Variants in SDHD observed in about 807,000 individuals in gnomAD.
The protein encoded by SDHD is succinate dehydrogenase [ubiquinone] cytochrome b small subunit, mitochondrial.
SDHD carries 6 observed loss-of-function variants against 18.7 expected under a neutral mutation model. The ratio of observed to expected loss-of-function variants is 0.32; its 90% CI spans 0.18 to 0.63. The LOEUF is 0.63. Among genes scored for constraint, SDHD ranks in the 30% least tolerant of loss-of-function variants. The pLI is 0.79. For synonymous variants in SDHD, 56 were observed against 73.9 expected (o/e 0.76, Z 1.24); for missense variants, 160 against 192.7 (o/e 0.83, Z 1.00).
rs764164965 is a variant in SDHD, at chr11:112,094,799, C to A, written c.315-6C>A. 9 of 1,605,848 alleles carry A rather than the reference C, an allele frequency of 5.6e-6. No homozygotes were observed. In the South Asian group the frequency reaches 9.9e-5, roughly 18 times the overall value. On this transcript the variant is annotated splice_polypyrimidine_tract_variant and splice_region_variant and intron_variant, in intron 3 of 3. Transcript: ENST00000375549. ...ATTGATGTTATGATTTTTTCTTTTT[C>A]TTTAGGGGCCTTGGACAAGTTGTTA...
chr11:112,089,993 G>A (rs754946596), intron 3 of SDHD, among the ~76,000 whole-genome samples: 2 of 151,512 alleles, frequency 1.3e-5, no homozygotes, highest in Non-Finnish European at 2.9e-5. Flanking sequence ...TATTTTTACT[G>A]TATTTGTTTG....
intron 3 of SDHD, 147 bp downstream of exon 3, chr11:112,089,158 G>A (rs1482855328): frequency 1.5e-5 from 11 of 738,806 alleles, no homozygotes; most frequent in Non-Finnish European, 2.2e-5. Context: ...TATATGCCTA[G>A]ATTTATATAT....
In SDHD at chr11:112,092,059, C is replaced by T. The variant is rs572949497; in HGVS notation, c.315-2746C>T. On this transcript the variant is annotated intron_variant, in intron 3 of 3. Transcript: ENST00000375549. ...CTCCAGCCTGGGTGACAGAGTGAGA[C>T]TCTGTCTCAAAAAAACAAAACTCTG... Among the ~76,000 whole-genome samples the T allele has an allele frequency of 4.6e-3, 704 of 152,162 alleles. 5 individuals carry two copies. Among genetic ancestry groups the T allele is most frequent in the Non-Finnish European group, 7.4e-3 (505 of 67,982 alleles).
rs1400314508 is a variant in SDHD at position 112,095,356 on chromosome 11, A to C, written c.*386A>C. Reference sequence around the variant, plus strand: ...CCTTGGGAATAATGGACAAAGGGAAATACTCTTAATTCATGAATAAAAACT... The same window carrying C: ...CCTTGGGAATAATGGACAAAGGGAACTACTCTTAATTCATGAATAAAAACT... On this transcript the variant is annotated 3_prime_UTR_variant, in exon 4 of 4. Coordinates refer to ENST00000375549, the MANE Select transcript of SDHD (RefSeq NM_003002.4). The C allele has an allele frequency of 6.2e-6, 2 of 323,648 alleles. No homozygotes were observed. Among genetic ancestry groups the C allele is most frequent in the Non-Finnish European group, 1.2e-5 (2 of 171,436 alleles). 20.0% of individuals were successfully genotyped at this position (323,648 alleles called of 1,614,324 possible).
chr11:112,087,498 A>G (rs1392174865), intron 1 of SDHD, among the ~76,000 whole-genome samples: 1 of 152,232 alleles, frequency 6.6e-6, no homozygotes, highest in African/African-American at 2.4e-5. Flanking sequence ...AGTCCGGGCA[A>G]GATGAGGTCC....
chr11:112,091,562 T>C (rs929267512), intron 3 of SDHD, among the ~76,000 whole-genome samples: 2 of 152,220 alleles, frequency 1.3e-5, no homozygotes, highest in African/African-American at 4.8e-5. Flanking sequence ...CTTGTTTATC[T>C]AATTGTCTAA....
At position 112,088,881 on chromosome 11, in the gene SDHD, G is replaced by C. The variant is rs758499440; in HGVS notation, c.184G>C (p.Ala62Pro). ...SPSHHSGSKA[A>P]SLHWTSERVV... ...CCTTTTTGTAGCTGGCTCCAAGGCT[G>C]CATCTCTCCACTGGACTAGCGAGAG... is the stretch of plus-strand genomic sequence containing the variant. The change falls in exon 3 of 4, where the codon GCA becomes CCA. Residue 62 changes from alanine to proline, a missense_variant. By Grantham distance (27) the Ala-to-Pro change is conservative. Transcript: ENST00000375549. 6.2e-7 allele frequency: 1 copy of C among 1,612,376 alleles called. No individual in the cohort carries two copies. The highest frequency in any genetic ancestry group is 1.1e-5 in the South Asian group (1 of 91,006).
At chr11:112,087,090 C>CAGTGGTCAT in intron 1 of SDHD, 131 bp downstream of exon 1, 1 of 1,024,868 alleles carries the variant, frequency 9.8e-7, no homozygotes, top group Non-Finnish European at 1.5e-6. Context: ...GCAATGACCA[C>CAGTGGTCAT]TGTAGTCTAG....
At chr11:112,093,319 C>G in intron 3 of SDHD, 1 of 208,766 alleles carries the variant, frequency 4.8e-6, no homozygotes, top group Non-Finnish European at 1.0e-5. Flanking sequence ...GCCCACTTCA[C>G]CCACCCAAAG....
chr11:112,088,047 A>C, intron 2 of SDHD, 74 bp downstream of exon 2: 2 of 1,028,624 alleles, frequency 1.9e-6, no homozygotes, highest in Non-Finnish European at 3.1e-6. Flanking sequence ...TGCCTTTAGC[A>C]GGACTTCCTA....
Position 112,094,997 on chromosome 11 carries a change from T to C in SDHD, c.*27T>C, listed in dbSNP as rs200370142. On this transcript the variant is annotated 3_prime_UTR_variant, in exon 4 of 4. Transcript: ENST00000375549. Reference sequence around the variant, plus strand: ...CTTTTTGACTTCATACTTTGAAGAATTGATGTATGCCTCTTTGCCTCTGCT... The same window carrying C: ...CTTTTTGACTTCATACTTTGAAGAACTGATGTATGCCTCTTTGCCTCTGCT... 1 of 1,602,000 alleles carries C rather than the reference T, an allele frequency of 6.2e-7. No homozygotes were observed. The highest frequency in any genetic ancestry group is 8.5e-7 in the Non-Finnish European group (1 of 1,170,956).
intron 3 of SDHD, among the ~76,000 whole-genome samples, chr11:112,091,573 T>C (rs1282765196): frequency 6.6e-6 from 1 of 152,216 alleles, no homozygotes; most frequent in African/African-American, 2.4e-5. Flanking sequence ...AATTGTCTAA[T>C]TGACATCCAC....
intron 3 of SDHD, chr11:112,091,062 G>GT (rs927421601): frequency 2.4e-5 from 23 of 970,906 alleles, no homozygotes; most frequent in Non-Finnish European, 2.4e-5. Context: ...TGTTGATGTT[G>GT]TTTTTTAACC....
At chr11:112,089,414 A>G (rs73568086) in intron 3 of SDHD, among the ~76,000 whole-genome samples, 3,820 of 152,272 alleles carry the variant, frequency 0.025, 163 homozygotes, top group African/African-American at 0.087. Context: ...CATTCCCAAC[A>G]CAGCATACCC....
In SDHD at chr11:112,086,873, G is replaced by C; in HGVS notation, c.-35G>C. 6.2e-7 allele frequency: 1 copy of C among 1,614,196 alleles called. No homozygotes were observed. The highest frequency in any genetic ancestry group is 8.5e-7 in the Non-Finnish European group (1 of 1,180,046). The stretch of plus-strand genomic sequence containing the variant: ...TGGGAATTGTCGCCTAAGTGGTTCC[G>C]GGTTGGTGGATGACCTTGAGCCCTC... On this transcript the variant is annotated 5_prime_UTR_variant, in exon 1 of 4. Coordinates refer to ENST00000375549, the MANE Select transcript of SDHD (RefSeq NM_003002.4).
At position 112,095,395 on chromosome 11, in the gene SDHD, G is replaced by C; in HGVS notation, c.*425G>C. 3.4e-6 allele frequency: 1 copy of C among 295,002 alleles called. No individual in the cohort carries two copies. The highest frequency in any genetic ancestry group is 6.7e-5 in the South Asian group (1 of 14,856). 18.3% of individuals were successfully genotyped at this position (295,002 alleles called of 1,614,324 possible). ...TGAATAAAAACTTTGCAGAAAATTA[G>C]ACAGTGTTTAATTTTCGAAAACTTC... is the stretch of plus-strand genomic sequence containing the variant. On this transcript the variant is annotated 3_prime_UTR_variant, in exon 4 of 4. Coordinates refer to ENST00000375549, the MANE Select transcript of SDHD (RefSeq NM_003002.4).
Position 112,094,868 on chromosome 11 carries a change from A to G in SDHD, c.378A>G (p.Ala126=). Residue 126 remains alanine, a synonymous_variant, in exon 4 of 4, where the codon GCA becomes GCG. Transcript: ENST00000375549. The part of the protein sequence containing the change: ...HGDALQKAAK[A]GLLALSALTF... The stretch of plus-strand genomic sequence containing the variant: ...ATGCCTTGCAGAAAGCTGCCAAGGC[A>G]GGGCTTTTGGCACTTTCAGCTTTAA... The G allele has an allele frequency of 1.9e-6, 3 of 1,611,952 alleles. No homozygotes were observed. Among genetic ancestry groups the G allele is most frequent in the Non-Finnish European group, 2.5e-6 (3 of 1,179,762 alleles).
rs189698193 is a variant in SDHD at position 112,088,650 on chromosome 11, A to G, written c.170-217A>G. 79 of 617,340 alleles carry G rather than the reference A, an allele frequency of 1.3e-4. No homozygotes were observed. In the Admixed American group the frequency reaches 1.9e-3, roughly 15 times the overall value. 38.2% of individuals were successfully genotyped at this position (617,340 alleles called of 1,614,324 possible). On this transcript the variant is annotated intron_variant, in intron 2 of 3. Coordinates refer to ENST00000375549, the MANE Select transcript of SDHD (RefSeq NM_003002.4). ...CTAATCAATATGTAGGCATTGAGAT[A>G]CCCTTGTGCTAAAAGACTTCAAAAA...
intron 3 of SDHD, 27 bp from the exon 4 acceptor site, chr11:112,094,778 A>T: frequency 1.3e-6 from 2 of 1,599,410 alleles, no homozygotes; most frequent in South Asian, 2.2e-5. Context: ...TTTTTTATTG[A>T]TGTTATGATT....
Sources: gnomAD v4.1 joint callset for allele counts (sites outside exome capture counted in the v4.1 genomes callset) on GRCh38, gnomAD v4.1.1 for gene constraint, MANE v1.5 for transcripts, NCBI Gene and HGNC (gene_info 2026-07-23, HGNC 2026-07-21) for gene names.